Variants in ADH4 observed in about 807,000 individuals in gnomAD.
The protein encoded by ADH4 is alcohol dehydrogenase 4 (class II), pi polypeptide.
A neutral mutation model predicts 35.2 loss-of-function variants in ADH4; 31 were observed. The observed-to-expected ratio is 0.88, with a 90% confidence interval of 0.66 to 1.19. ADH4 has a LOEUF of 1.19. ADH4 is among the 50% of genes most tolerant of loss of function. The pLI is 0.00. For missense variants in ADH4, 476 were observed against 458.3 expected (o/e 1.04, Z -0.35); for synonymous variants, 171 against 160.2 (o/e 1.07, Z -0.51).
intron 3 of ADH4, among the ~76,000 whole-genome samples, chr4:99,140,809 G>T (rs1729587137): frequency 6.6e-6 from 1 of 150,826 alleles, no homozygotes; most frequent in African/African-American, 2.4e-5. Context: ...GGAGGTTGCA[G>T]TGAGCTGAGA....
intron 4 of ADH4, among the ~76,000 whole-genome samples, chr4:99,138,311 T>G (rs1254313533): frequency 6.6e-6 from 1 of 152,184 alleles, no homozygotes; most frequent in East Asian, 1.9e-4. Flanking sequence ...ATTTTATAGA[T>G]GAAAAAATTG....
At chr4:99,129,152 ATTTAC>A (rs1405582428) in intron 6 of ADH4, among the ~76,000 whole-genome samples, 1 of 152,064 alleles carries the variant, frequency 6.6e-6, no homozygotes, top group Non-Finnish European at 1.5e-5. Context: ...TTTTAAAGTT[ATTTAC>A]TTAAAAAGAT....
intron 4 of ADH4, among the ~76,000 whole-genome samples, chr4:99,137,552 G>A (rs1560779775): frequency 6.6e-6 from 1 of 152,146 alleles, no homozygotes; most frequent in Non-Finnish European, 1.5e-5. Flanking sequence ...ATGACCCACC[G>A]CACCCGGCCA....
At chr4:99,137,883 TTTG>T (rs1729496294) in intron 4 of ADH4, among the ~76,000 whole-genome samples, 1 of 152,016 alleles carries the variant, frequency 6.6e-6, no homozygotes, top group Admixed American at 6.6e-5. Context: ...GGTCCACATT[TTTG>T]TTGTCTCTTA....
intron 2 of ADH4, among the ~76,000 whole-genome samples, chr4:99,142,353 A>C (rs1466083488): frequency 6.6e-6 from 1 of 152,204 alleles, no homozygotes; most frequent in Non-Finnish European, 1.5e-5. Flanking sequence ...CCTTTTAATA[A>C]CACTTTCAAA....
intron 4 of ADH4, among the ~76,000 whole-genome samples, chr4:99,138,577 T>C (rs576001124): frequency 1.1e-3 from 172 of 152,352 alleles, no homozygotes; most frequent in South Asian, 1.9e-3. Context: ...GCTATTATTC[T>C]GAATTTGGCA....
At chr4:99,133,694 T>C (rs1729353585) in intron 5 of ADH4, 1 of 152,184 alleles carries the variant, frequency 6.6e-6, no homozygotes, top group Admixed American at 6.5e-5. Flanking sequence ...CTTCTGTATA[T>C]ACAACCAAAG....
intron 3 of ADH4, among the ~76,000 whole-genome samples, chr4:99,140,529 G>T (rs989679772): frequency 6.6e-6 from 1 of 151,848 alleles, no homozygotes; most frequent in Admixed American, 6.6e-5. Flanking sequence ...AGCCAAGATC[G>T]TGCCACAGCA....
intron 4 of ADH4, among the ~76,000 whole-genome samples, chr4:99,137,788 C>A (rs970223740): frequency 6.6e-6 from 1 of 152,186 alleles, no homozygotes; most frequent in Admixed American, 6.5e-5. Context: ...CTCCCTCCCC[C>A]ACATTGGAAT....
At chr4:99,130,477 T>C (rs1308157396) in intron 6 of ADH4, among the ~76,000 whole-genome samples, 4 of 152,170 alleles carry the variant, frequency 2.6e-5, no homozygotes, top group African/African-American at 7.2e-5. Flanking sequence ...TTAGAGGTCA[T>C]TGGAACCTAG....
At chr4:99,126,806 G>A in intron 7 of ADH4, 74 bp from the exon 8 acceptor site, 3 of 1,391,180 alleles carry the variant, frequency 2.2e-6, no homozygotes, top group Non-Finnish European at 2.9e-6. Context: ...TTTGCTGAAT[G>A]AATGAAATTA....
intron 8 of ADH4, among the ~76,000 whole-genome samples, chr4:99,125,570 A>T (rs1046960398): frequency 1.3e-5 from 2 of 152,156 alleles, no homozygotes; most frequent in Admixed American, 6.5e-5. Context: ...CCTTATGGGG[A>T]TATTGAAGTT....
chr4:99,131,700 C>T lies in ADH4; in HGVS notation c.647G>A (p.Gly216Asp), dbSNP rs1328419471. The T allele has an allele frequency of 2.5e-6, 4 of 1,614,106 alleles. No individual in the cohort carries two copies. Among genetic ancestry groups the T allele is most frequent in the South Asian group, 1.1e-5 (1 of 91,078 alleles). The change falls in exon 6 of 9, where the codon GGT (glycine) becomes GAT (aspartate). Residue 216 changes from glycine (G) to aspartate (D), a missense_variant. Coordinates refer to ENST00000265512, the MANE Select transcript of ADH4 (RefSeq NM_000670.5). The part of the protein sequence containing the change: ...LGGVGLSAVM[G>D]CKAAGASRII... ...TCTGGAAGCTCCTGCTGCTTTACAA[C>T]CCATTACAGCAGAAAGACCCACACC... is the stretch of plus-strand genomic sequence containing the variant.
chr4:99,130,763 A>G (rs1729246131), intron 6 of ADH4, among the ~76,000 whole-genome samples: 1 of 152,190 alleles, frequency 6.6e-6, no homozygotes, highest in Admixed American at 6.6e-5. Context: ...TGGCCCATTC[A>G]TTGGTATTAA....
At position 99,142,659 on chromosome 4, in the gene ADH4, C is replaced by G; in HGVS notation, c.120+20G>C. 1.3e-6 allele frequency: 2 copies of G among 1,508,670 alleles called. No individual in the cohort carries two copies. The highest frequency in any genetic ancestry group is 1.8e-6 in the Non-Finnish European group (2 of 1,127,086). 93.5% of individuals were successfully genotyped at this position (1,508,670 alleles called of 1,614,324 possible). ...ACTTGGGGCCCTGTCTGTTCCCACC[C>G]AAGGAAAGTCTCCACTTACCTGAAT... On this transcript the variant is annotated intron_variant, in intron 2 of 8. Transcript: ENST00000265512.
chr4:99,136,902 T>A (rs1450214549), intron 4 of ADH4, among the ~76,000 whole-genome samples: 4 of 151,964 alleles, frequency 2.6e-5, no homozygotes, highest in South Asian at 2.1e-4. Context: ...AACAATTTTT[T>A]AAAAAGTGAC....
At chr4:99,137,191 G>A (rs1397411512) in intron 4 of ADH4, among the ~76,000 whole-genome samples, 10 of 150,138 alleles carry the variant, frequency 6.7e-5, no homozygotes, top group African/African-American at 1.2e-4. Context: ...GCAGTGGCGC[G>A]ATCTCAGCTC....
intron 8 of ADH4, among the ~76,000 whole-genome samples, chr4:99,126,092 T>C (rs1729077831): frequency 1.3e-5 from 2 of 152,174 alleles, no homozygotes; most frequent in Non-Finnish European, 2.9e-5. Context: ...ACTAAAATAG[T>C]GGATCAGAAG....
Position 99,136,470 on chromosome 4 carries a change from G to C in ADH4, c.578C>G (p.Ala193Gly). Residue 193 changes from alanine (A) to glycine (G), a missense_variant, in exon 5 of 9, where the codon GCC becomes GGC. Physicochemically the swap from Ala to Gly is moderately conservative, Grantham distance 60. Coordinates refer to ENST00000265512, the MANE Select transcript of ADH4 (RefSeq NM_000670.5). ...STGYGAAINN[A>G]KVTPGSTCAV... is the part of the protein sequence containing the mutation. ...AACTGGTGTTTAACCATTTACCTTG[G>C]CATTGTTGATTGCAGCCCCATAGCC... 6.2e-7 allele frequency: 1 copy of C among 1,613,310 alleles called. No individual in the cohort carries two copies. The highest frequency in any genetic ancestry group is 8.5e-7 in the Non-Finnish European group (1 of 1,179,452).
Sources: allele counts gnomAD v4.1 joint callset (sites outside exome capture counted in the v4.1 genomes callset), GRCh38; gene constraint gnomAD v4.1.1; transcripts MANE v1.5; gene names NCBI Gene and HGNC (gene_info 2026-07-23, HGNC 2026-07-21).